Variants in GALNTL6 observed in about 807,000 individuals in gnomAD.
GALNTL6 encodes the protein polypeptide N-acetylgalactosaminyltransferase like 6, also known as polypeptide N-acetylgalactosaminyltransferase-like 6.
In GALNTL6, 46 loss-of-function variants were observed where a neutral mutation model predicts 73.7. The ratio of observed to expected loss-of-function variants is 0.62; its 90% CI spans 0.49 to 0.80. The LOEUF (loss-of-function observed/expected upper bound fraction) is 0.80, where lower values mean the gene tolerates loss of function less well. Among genes scored for constraint, GALNTL6 ranks in the 30% least tolerant of loss-of-function variants. The pLI, the probability that GALNTL6 is intolerant of heterozygous loss-of-function variation, is 0.00. For missense variants in GALNTL6, 604 were observed against 755.0 expected (o/e 0.80, Z 2.34); for synonymous variants, 259 against 263.7 (o/e 0.98, Z 0.17).
intron 2 of GALNTL6, among the ~76,000 whole-genome samples, chr4:171,962,230 G>A (rs1739240624): frequency 2.0e-5 from 3 of 152,164 alleles, no homozygotes; most frequent in Admixed American, 2.0e-4. Context: ...AGAGAAATAT[G>A]TCAGAAGCAT....
At chr4:172,572,787 A>C (rs1736813798) in intron 5 of GALNTL6, among the ~76,000 whole-genome samples, 1 of 152,150 alleles carries the variant, frequency 6.6e-6, no homozygotes, top group Admixed American at 6.5e-5. Flanking sequence ...TACTTTACTA[A>C]TAGGAATGAT....
chr4:172,281,530 A>C (rs1045593602), intron 3 of GALNTL6, among the ~76,000 whole-genome samples: 1 of 152,038 alleles, frequency 6.6e-6, no homozygotes, highest in African/African-American at 2.4e-5. Flanking sequence ...CCCTGTCTCT[A>C]CTAAAAAAAA....
chr4:172,864,714 C>A (rs1391943281), intron 7 of GALNTL6, among the ~76,000 whole-genome samples: 1 of 152,112 alleles, frequency 6.6e-6, no homozygotes, highest in Non-Finnish European at 1.5e-5. Flanking sequence ...TATTAGAAAT[C>A]TCAAAGTTAC....
In GALNTL6 at chr4:172,247,210, G is replaced by T. The variant is rs190097747; in HGVS notation, c.247+17446G>T. Among the ~76,000 whole-genome samples, 3 of 152,162 alleles carry T rather than the reference G, an allele frequency of 2.0e-5. No individual in the cohort carries two copies. In the East Asian group the frequency reaches 5.8e-4, roughly 30 times the overall value. On this transcript the variant is annotated intron_variant, in intron 3 of 12. Coordinates refer to ENST00000506823, the MANE Select transcript of GALNTL6 (RefSeq NM_001034845.3). Reference sequence around the variant, plus strand: ...TCAGTATTATTTTACTCTGGCTGCTGCACTGACAATTGATGTTTGACAGCC... The same window carrying T: ...TCAGTATTATTTTACTCTGGCTGCTTCACTGACAATTGATGTTTGACAGCC...
At chr4:172,006,388 G>A (rs986485904) in intron 2 of GALNTL6, among the ~76,000 whole-genome samples, 1 of 152,124 alleles carries the variant, frequency 6.6e-6, no homozygotes, top group Admixed American at 6.6e-5. Context: ...AGTACCTTGA[G>A]CAGCGGAAGT....
chr4:172,125,025 G>C (rs960934525), intron 2 of GALNTL6, among the ~76,000 whole-genome samples: 1 of 152,052 alleles, frequency 6.6e-6, no homozygotes, highest in South Asian at 2.1e-4. Context: ...AGTTAAGACC[G>C]AAGAAAAAAT....
intron 2 of GALNTL6, among the ~76,000 whole-genome samples, chr4:172,067,252 G>C (rs1320563048): frequency 1.3e-5 from 2 of 151,946 alleles, no homozygotes; most frequent in Non-Finnish European, 2.9e-5. Flanking sequence ...CTCCAGTCTT[G>C]TTTACTGGTC....
intron 8 of GALNTL6, among the ~76,000 whole-genome samples, chr4:172,900,965 C>G (rs1361224050): frequency 1.3e-5 from 2 of 152,158 alleles, no homozygotes; most frequent in Admixed American, 6.6e-5. Flanking sequence ...TCTATCACAT[C>G]TTTTCTGAGT....
At chr4:173,031,443 T>C (rs1002695025) in intron 12 of GALNTL6, among the ~76,000 whole-genome samples, 2 of 152,226 alleles carry the variant, frequency 1.3e-5, no homozygotes, top group African/African-American at 2.4e-5. Flanking sequence ...ATCAATTTCA[T>C]GAGAGCAGGA....
At chr4:172,343,246 C>T (rs1036141480) in intron 4 of GALNTL6, among the ~76,000 whole-genome samples, 1 of 152,030 alleles carries the variant, frequency 6.6e-6, no homozygotes, top group African/African-American at 2.4e-5. Context: ...AGCTGCAATC[C>T]CAGAGTTAGA....
At chr4:172,491,935 A>G (rs998898989) in intron 5 of GALNTL6, among the ~76,000 whole-genome samples, 1 of 152,158 alleles carries the variant, frequency 6.6e-6, no homozygotes, top group Non-Finnish European at 1.5e-5. Context: ...AAATGTGAGG[A>G]AGCAGGTTTT....
chr4:172,298,135 C>T (rs1008108650), intron 3 of GALNTL6, among the ~76,000 whole-genome samples: 6 of 152,098 alleles, frequency 3.9e-5, no homozygotes, highest in Admixed American at 1.3e-4. Flanking sequence ...GGAGTTCACT[C>T]ATGATTTGGC....
intron 5 of GALNTL6, among the ~76,000 whole-genome samples, chr4:172,583,920 A>AAAAAAAAAAAAAAAAAAAAAAT (rs1553962815): frequency 7.4e-6 from 1 of 135,498 alleles, no homozygotes; most frequent in Non-Finnish European, 1.6e-5. Context: ...AAAAAAAAAA[A>AAAAAAAAAAAAAAAAAAAAAAT]TCAGATGCTG....
chr4:172,465,722 G>A (rs1732788602), intron 5 of GALNTL6, among the ~76,000 whole-genome samples: 1 of 152,084 alleles, frequency 6.6e-6, no homozygotes, highest in Non-Finnish European at 1.5e-5. Flanking sequence ...CCTGGTCTTT[G>A]TTATATAAAT....
intron 2 of GALNTL6, among the ~76,000 whole-genome samples, chr4:172,053,982 C>T (rs1387800701): frequency 6.6e-6 from 1 of 151,704 alleles, no homozygotes; most frequent in Non-Finnish European, 1.5e-5. Context: ...AAACAAAATC[C>T]AAAATTAATA....
intron 5 of GALNTL6, among the ~76,000 whole-genome samples, chr4:172,554,519 G>A (rs946948336): frequency 6.6e-6 from 1 of 152,150 alleles, no homozygotes; most frequent in African/African-American, 2.4e-5. Flanking sequence ...GAATTGTCAT[G>A]TGGTAACCCA....
At chr4:172,014,564 C>T (rs958080785) in intron 2 of GALNTL6, among the ~76,000 whole-genome samples, 1 of 151,780 alleles carries the variant, frequency 6.6e-6, no homozygotes, top group Admixed American at 6.6e-5. Context: ...CTGCTCTGAT[C>T]TTTGTTATTT....
chr4:172,831,196 A>G (rs7654134), intron 7 of GALNTL6, among the ~76,000 whole-genome samples: 1 of 144,368 alleles, frequency 6.9e-6, no homozygotes, highest in African/African-American at 2.6e-5. Context: ...AAAAAGATTC[A>G]GAGTCAAAAG....
At chr4:172,011,412 CTG>C (rs1179485859) in intron 2 of GALNTL6, among the ~76,000 whole-genome samples, 1 of 152,024 alleles carries the variant, frequency 6.6e-6, no homozygotes, top group Non-Finnish European at 1.5e-5. Context: ...TCCTAAAAGT[CTG>C]TGACTTTTTT....
Sources: allele counts gnomAD v4.1 joint callset (sites outside exome capture counted in the v4.1 genomes callset), GRCh38; gene constraint gnomAD v4.1.1; transcripts MANE v1.5; gene names NCBI Gene and HGNC (gene_info 2026-07-23, HGNC 2026-07-21).